CFDP1: variants seen among roughly 807,000 people sequenced by gnomAD.
CFDP1 encodes the protein chromatin remodeling protein CFDP1.
Under a neutral mutation model 40.1 loss-of-function variants are expected in CFDP1, and 31 were observed. The ratio of observed to expected loss-of-function variants is 0.77; its 90% CI spans 0.58 to 1.04. The LOEUF is 1.04. Among genes scored for constraint, CFDP1 ranks in the 50% least tolerant of loss-of-function variants. The probability of loss-of-function intolerance (pLI) is 0.00; values close to 1 mark genes in which losing one functional copy is unlikely to be tolerated. For synonymous variants in CFDP1, 167 were observed against 120.0 expected, an observed-to-expected ratio of 1.39 and a Z score of -2.56; for missense variants, 423 against 343.4, an observed-to-expected ratio of 1.23 and a Z score of -1.83.
intron 5 of CFDP1, chr16:75,391,433 G>A (rs907251875): frequency 1.3e-5 from 2 of 152,216 alleles, no homozygotes; most frequent in African/African-American, 4.8e-5. Flanking sequence ...GTCTAGAGCA[G>A]TATTTTGTCA....
chr16:75,412,604 G>C lies in CFDP1; in HGVS notation c.333C>G (p.Asp111Glu), dbSNP rs141124786. The change falls in exon 3 of 7, where the codon GAC becomes GAG. Residue 111 changes from aspartate to glutamate, a missense_variant. Physicochemically the swap from Asp to Glu is conservative, Grantham distance 45. Transcript: ENST00000283882. ...CATTGAGGAAGCTGGCCCAGAGTTC[G>C]TCCTCCTTCTTTTTCCTGGCATCCT... Reference protein sequence around the residue: ...GSEDARKKKEDELWASFLNDV... With the variant: ...GSEDARKKKEEELWASFLNDV... 6.2e-7 allele frequency: 1 copy of C among 1,614,074 alleles called. No homozygotes were observed.
intron 5 of CFDP1, chr16:75,363,103 G>C (rs2078690942): frequency 6.6e-6 from 1 of 152,020 alleles, no homozygotes; most frequent in South Asian, 2.1e-4. Flanking sequence ...CAAGCGTTAA[G>C]TTAGTACAAC....
At chr16:75,336,081 C>T (rs917639780) in intron 5 of CFDP1, among the ~76,000 whole-genome samples, 5 of 152,094 alleles carry the variant, frequency 3.3e-5, no homozygotes, top group African/African-American at 1.2e-4. Context: ...TGCAGCTGCC[C>T]CTCTGCCCTT....
At chr16:75,432,093 GTAC>G in intron 1 of CFDP1, among the ~76,000 whole-genome samples, 1 of 151,062 alleles carries the variant, frequency 6.6e-6, no homozygotes, top group African/African-American at 2.4e-5. Flanking sequence ...TGTGTTTTTA[GTAC>G]AGACGGGGTT....
At chr16:75,322,402 T>C (rs1209992420) in intron 5 of CFDP1, among the ~76,000 whole-genome samples, 6 of 152,238 alleles carry the variant, frequency 3.9e-5, no homozygotes, top group Non-Finnish European at 5.9e-5. Flanking sequence ...GGTGATTTCA[T>C]TGTTGTGCCC....
At chr16:75,377,079 T>A (rs574818063) in intron 5 of CFDP1, among the ~76,000 whole-genome samples, 1 of 152,334 alleles carries the variant, frequency 6.6e-6, no homozygotes, top group East Asian at 1.9e-4. Context: ...AGCTCTTGAA[T>A]TACTTCCTGA....
chr16:75,366,353 T>C (rs117407507), intron 5 of CFDP1, among the ~76,000 whole-genome samples: 3,070 of 152,250 alleles, frequency 0.02, 49 homozygotes, highest in Non-Finnish European at 0.029. Context: ...AAACACCTTA[T>C]AGCGAGGCCA....
intron 5 of CFDP1, among the ~76,000 whole-genome samples, chr16:75,343,963 T>TCCA (rs1217774393): frequency 6.6e-6 from 1 of 152,190 alleles, no homozygotes. Context: ...GGTACTCACT[T>TCCA]CCACAGCATG....
intron 6 of CFDP1, among the ~76,000 whole-genome samples, chr16:75,300,973 C>T (rs1038561012): frequency 6.6e-6 from 1 of 152,092 alleles, no homozygotes; most frequent in Non-Finnish European, 1.5e-5. Context: ...CTCTACTTCC[C>T]ACCGCTGTGG....
intron 6 of CFDP1, among the ~76,000 whole-genome samples, chr16:75,301,536 C>CT (rs546724752): frequency 0.014 from 765 of 53,948 alleles, 91 homozygotes; most frequent in African/African-American, 0.015. Context: ...TTTGTTGTGT[C>CT]TTTTTTTTTT....
chr16:75,400,285 AAAAAC>A (rs140790741), intron 4 of CFDP1, among the ~76,000 whole-genome samples: 77,690 of 150,642 alleles, frequency 0.52, 21,049 homozygotes, highest in Admixed American at 0.64. Context: ...TCTCAAAACA[AAAAAC>A]AAAACAAAAC....
intron 1 of CFDP1, among the ~76,000 whole-genome samples, chr16:75,428,040 A>G (rs2079361195): frequency 6.6e-6 from 1 of 152,176 alleles, no homozygotes; most frequent in South Asian, 2.1e-4. Context: ...AGGCAAAACT[A>G]TAAAGATGGA....
chr16:75,403,395 T>C (rs1000801807), intron 4 of CFDP1, among the ~76,000 whole-genome samples: 1 of 152,166 alleles, frequency 6.6e-6, no homozygotes, highest in African/African-American at 2.4e-5. Context: ...ATTTTTATAT[T>C]TTTTGTAGAA....
At chr16:75,361,692 A>C (rs1031461174) in intron 5 of CFDP1, among the ~76,000 whole-genome samples, 3 of 152,080 alleles carry the variant, frequency 2.0e-5, no homozygotes, top group African/African-American at 7.2e-5. Flanking sequence ...TCAAAGAATT[A>C]AAAAAAGTTT....
intron 1 of CFDP1, among the ~76,000 whole-genome samples, chr16:75,424,840 T>C (rs1371095374): frequency 6.6e-6 from 1 of 151,076 alleles, no homozygotes; most frequent in Non-Finnish European, 1.5e-5. Context: ...AAGTATAAAG[T>C]ACAACAAGGC....
Position 75,305,078 on chromosome 16 carries a change from T to C in CFDP1, c.755A>G (p.Lys252Arg), listed in dbSNP as rs748272326. 18 of 1,614,062 alleles carry C rather than the reference T, an allele frequency of 1.1e-5. No individual in the cohort carries two copies. The highest frequency in any genetic ancestry group is 1.1e-4 in the East Asian group (5 of 44,904). Reference sequence around the variant, plus strand: ...TTCTTCACCAATCCCCTCTTCCTCCTTGAAGCTCTCCCAGTCCAGTTTGGA... The same window carrying C: ...TTCTTCACCAATCCCCTCTTCCTCCCTGAAGCTCTCCCAGTCCAGTTTGGA... ...EKSKLDWESF[K>R]EEEGIGEELA... The change falls in exon 6 of 7, where the codon AAG becomes AGG. Residue 252 changes from lysine (K) to arginine (R), a missense_variant. Coordinates refer to ENST00000283882, the MANE Select transcript of CFDP1 (RefSeq NM_006324.3).
intron 5 of CFDP1, among the ~76,000 whole-genome samples, chr16:75,391,947 G>A (rs971964985): frequency 4.0e-5 from 6 of 151,668 alleles, no homozygotes; most frequent in South Asian, 2.1e-4. Context: ...CAGCCTGGAC[G>A]ACAGAGCAAG....
chr16:75,413,507 C>T (rs1041319410), intron 2 of CFDP1, among the ~76,000 whole-genome samples: 10 of 138,070 alleles, frequency 7.2e-5, no homozygotes, highest in African/African-American at 2.5e-4. Flanking sequence ...GAGCAGAGAT[C>T]ACGCCACTGC....
chr16:75,356,757 A>C (rs1201558858), intron 5 of CFDP1, among the ~76,000 whole-genome samples: 4 of 152,168 alleles, frequency 2.6e-5, no homozygotes, highest in Non-Finnish European at 5.9e-5. Flanking sequence ...AAAAAAGAAA[A>C]GGCTGTTTCA....
Sources: allele counts gnomAD v4.1 joint callset (sites outside exome capture counted in the v4.1 genomes callset), GRCh38; gene constraint gnomAD v4.1.1; transcripts MANE v1.5; gene names NCBI Gene and HGNC (gene_info 2026-07-23, HGNC 2026-07-21).